Variants in SLC30A9 observed in about 807,000 individuals in gnomAD.
SLC30A9 encodes solute carrier family 30 member 9, also known as proton-coupled zinc antiporter SLC30A9, mitochondrial.
SLC30A9 carries 58 observed loss-of-function variants against 87.5 expected under a neutral mutation model. The ratio of observed to expected loss-of-function variants is 0.66; its 90% confidence interval spans 0.54 to 0.82. The LOEUF (loss-of-function observed/expected upper bound fraction) is 0.82. Among genes scored for constraint, SLC30A9 ranks in the 40% least tolerant of loss-of-function variants. SLC30A9 has a pLI of 0.00. For missense variants in SLC30A9, 557 were observed against 679.1 expected (o/e 0.82, Z 2.00); for synonymous variants, 234 against 233.0 (o/e 1.00, Z -0.04).
intron 1 of SLC30A9, among the ~76,000 whole-genome samples, chr4:41,991,743 T>C (rs1247270419): frequency 6.6e-6 from 1 of 152,194 alleles, no homozygotes; most frequent in Non-Finnish European, 1.5e-5. Flanking sequence ...CATAGTGAGC[T>C]GTCTGTAAAA....
intron 3 of SLC30A9, among the ~76,000 whole-genome samples, chr4:42,020,135 G>A (rs1332622731): frequency 6.6e-6 from 1 of 152,144 alleles, no homozygotes; most frequent in Non-Finnish European, 1.5e-5. Flanking sequence ...ATACCAATAT[G>A]ATTTAGACAG....
intron 6 of SLC30A9, among the ~76,000 whole-genome samples, chr4:42,033,497 A>G (rs1716534855): frequency 6.6e-6 from 1 of 152,142 alleles, no homozygotes; most frequent in Admixed American, 6.5e-5. Flanking sequence ...AAAAATAAAA[A>G]TAATATTTTT....
chr4:42,001,840 A>G, intron 2 of SLC30A9, 60 bp downstream of exon 2: 1 of 1,233,238 alleles, frequency 8.1e-7, no homozygotes, highest in Non-Finnish European at 1.1e-6. Flanking sequence ...GTGTAAAATT[A>G]TTTGTTCCCT....
At chr4:42,022,622 T>A (rs1042064057) in intron 4 of SLC30A9, among the ~76,000 whole-genome samples, 2 of 152,194 alleles carry the variant, frequency 1.3e-5, no homozygotes, top group African/African-American at 4.8e-5. Context: ...TATATTGTGG[T>A]GTCTACACTG....
At chr4:42,007,338 A>G (rs1044128097) in intron 2 of SLC30A9, among the ~76,000 whole-genome samples, 5 of 152,182 alleles carry the variant, frequency 3.3e-5, no homozygotes, top group Admixed American at 6.5e-5. Flanking sequence ...TAATGAGATG[A>G]TGGCTTGGTT....
At chr4:41,998,520 A>G (rs1414618053) in intron 1 of SLC30A9, among the ~76,000 whole-genome samples, 1 of 150,896 alleles carries the variant, frequency 6.6e-6, no homozygotes, top group Non-Finnish European at 1.5e-5. Flanking sequence ...CTGGAATGCA[A>G]TGGCGCGATC....
intron 6 of SLC30A9, chr4:42,029,460 G>A: frequency 1.7e-5 from 11 of 653,066 alleles, no homozygotes. Flanking sequence ...AGATTTCTCA[G>A]ATCCAGCAGA....
chr4:42,005,656 CTGGCTTTG>C (rs1434586016), intron 2 of SLC30A9, among the ~76,000 whole-genome samples: 2 of 152,308 alleles, frequency 1.3e-5, no homozygotes, highest in African/African-American at 2.4e-5. Context: ...CCGGGGAAAG[CTGGCTTTG>C]ATATGTTCAT....
At chr4:42,027,273 T>C (rs1282872479) in intron 6 of SLC30A9, among the ~76,000 whole-genome samples, 2 of 152,244 alleles carry the variant, frequency 1.3e-5, no homozygotes, top group South Asian at 2.1e-4. Context: ...TAAAATTTTA[T>C]TGGGACGTAG....
chr4:42,017,037 G>T (rs1448940293), intron 2 of SLC30A9, among the ~76,000 whole-genome samples: 1 of 152,098 alleles, frequency 6.6e-6, no homozygotes, highest in Admixed American at 6.6e-5. Context: ...CCAAGGTATT[G>T]TGCCCATTTA....
rs749903854 is a variant in SLC30A9 at position 42,018,176 on chromosome 4, T to C, written c.334+6T>C. ...AGAACCTCTCCAAGTAAGAGGTAAATATATTTTATCCTATTTTTGTATTAT... is the reference window on the plus strand; with the variant it reads ...AGAACCTCTCCAAGTAAGAGGTAAACATATTTTATCCTATTTTTGTATTAT... On this transcript the variant is annotated splice_donor_region_variant and intron_variant, in intron 3 of 17. Coordinates refer to ENST00000264451, the MANE Select transcript of SLC30A9 (RefSeq NM_006345.4). 5 of 1,486,648 alleles carry C rather than the reference T, an allele frequency of 3.4e-6. No homozygotes were observed. Among genetic ancestry groups the C allele is most frequent in the Non-Finnish European group, 4.7e-6 (5 of 1,071,186 alleles). 92.1% of individuals were successfully genotyped at this position (1,486,648 alleles called of 1,614,324 possible).
At chr4:42,014,301 G>A (rs1715600200) in intron 2 of SLC30A9, among the ~76,000 whole-genome samples, 1 of 152,142 alleles carries the variant, frequency 6.6e-6, no homozygotes, top group African/African-American at 2.4e-5. Flanking sequence ...AATTAGTGCA[G>A]CTACTATGAA....
intron 6 of SLC30A9, chr4:42,029,948 C>A: frequency 2.4e-6 from 2 of 844,254 alleles, no homozygotes; most frequent in South Asian, 2.6e-5. Context: ...ATTATCCCTA[C>A]TATGGCAAAC....
At chr4:42,009,676 C>T (rs1403936285) in intron 2 of SLC30A9, among the ~76,000 whole-genome samples, 4 of 152,184 alleles carry the variant, frequency 2.6e-5, no homozygotes, top group Non-Finnish European at 5.9e-5. Flanking sequence ...CATTTACTAG[C>T]ATTCTTGTTT....
chr4:42,042,778 G>A (rs539821483), intron 8 of SLC30A9, among the ~76,000 whole-genome samples: 49 of 152,248 alleles, frequency 3.2e-4, no homozygotes, highest in African/African-American at 1.1e-3. Context: ...GCCTCCTGAT[G>A]GGGAGATACC....
At chr4:42,084,893 G>T (rs1718870107) in intron 17 of SLC30A9, among the ~76,000 whole-genome samples, 1 of 152,202 alleles carries the variant, frequency 6.6e-6, no homozygotes, top group African/African-American at 2.4e-5. Flanking sequence ...CCAAACGTAA[G>T]TCCACTGAAG....
At chr4:42,052,226 G>A (rs753843183) in intron 9 of SLC30A9, among the ~76,000 whole-genome samples, 7 of 151,948 alleles carry the variant, frequency 4.6e-5, no homozygotes, top group South Asian at 4.2e-4. Context: ...AGACCTTTAC[G>A]CTGAAAATCA....
intron 15 of SLC30A9, among the ~76,000 whole-genome samples, chr4:42,074,309 G>C (rs112656596): frequency 1.3e-5 from 2 of 152,192 alleles, no homozygotes; most frequent in Non-Finnish European, 2.9e-5. Context: ...GTCTAATGTT[G>C]TAAGAATACT....
intron 2 of SLC30A9, among the ~76,000 whole-genome samples, chr4:42,003,078 T>A (rs1247911705): frequency 6.6e-6 from 1 of 152,194 alleles, no homozygotes; most frequent in Non-Finnish European, 1.5e-5. Flanking sequence ...GTATTCTTAT[T>A]TCTATTGTGA....
Sources: gnomAD v4.1 joint callset for allele counts (sites outside exome capture counted in the v4.1 genomes callset) on GRCh38, gnomAD v4.1.1 for gene constraint, MANE v1.5 for transcripts, NCBI Gene and HGNC (gene_info 2026-07-23, HGNC 2026-07-21) for gene names.